Variants in APOL5 observed in about 807,000 individuals in gnomAD.
APOL5 encodes the protein apolipoprotein L, 5.
APOL5 carries 29 observed loss-of-function variants against 35.5 expected under a neutral mutation model. That is an observed-to-expected ratio of 0.82 (90% CI 0.61 to 1.11). The LOEUF is 1.11. APOL5 is among the 50% of genes most tolerant of loss of function. APOL5 has a pLI of 0.00. For synonymous variants in APOL5, 188 were observed against 200.2 expected, an observed-to-expected ratio of 0.94 and a Z score of 0.51; for missense variants, 514 against 530.4, an observed-to-expected ratio of 0.97 and a Z score of 0.30.
the APOL5 span, among the ~76,000 whole-genome samples, chr22:35,709,080 G>T: frequency 6.6e-6 from 1 of 152,192 alleles, no homozygotes; most frequent in Non-Finnish European, 1.5e-5. Context: ...TCAGTCAAAA[G>T]ATGAGTGTGG....
At chr22:35,720,013 G>A (rs919120397) in intron 1 of APOL5, among the ~76,000 whole-genome samples, 11 of 152,300 alleles carry the variant, frequency 7.2e-5, no homozygotes, top group East Asian at 5.8e-4. Context: ...TCATTCAGCC[G>A]TGGATGACCT....
At chr22:35,708,436 A>C in the APOL5 span, among the ~76,000 whole-genome samples, 1 of 152,084 alleles carries the variant, frequency 6.6e-6, no homozygotes, top group Non-Finnish European at 1.5e-5. Context: ...AGAAAAAAAA[A>C]AAAGAAAAAA....
intron 2 of APOL5, 62 bp downstream of exon 2, chr22:35,720,716 T>C: frequency 8.4e-7 from 1 of 1,193,194 alleles, no homozygotes; most frequent in African/African-American, 1.5e-5. Flanking sequence ...AAACAGTGTC[T>C]GTCACAGACC....
the APOL5 span, among the ~76,000 whole-genome samples, chr22:35,709,097 G>C: frequency 6.6e-6 from 1 of 152,148 alleles, no homozygotes. Flanking sequence ...GTGGATGGTG[G>C]TTACCATGGG....
intron 3 of APOL5, among the ~76,000 whole-genome samples, chr22:35,728,262 T>A (rs537198179): frequency 2.0e-5 from 3 of 152,220 alleles, no homozygotes; most frequent in East Asian, 1.9e-4. Context: ...CTCGCTCTGT[T>A]GCCCAGGCTG....
chr22:35,712,862 T>C, the APOL5 span, among the ~76,000 whole-genome samples: 1 of 152,222 alleles, frequency 6.6e-6, no homozygotes, highest in Non-Finnish European at 1.5e-5. Flanking sequence ...AGGTGGAGTC[T>C]TTTCCCCTCT....
chr22:35,728,281 T>C (rs922336838), intron 3 of APOL5, among the ~76,000 whole-genome samples: 2 of 152,210 alleles, frequency 1.3e-5, no homozygotes, highest in Admixed American at 1.3e-4. Flanking sequence ...TGGAGTGCAG[T>C]GGCGCCATCT....
At position 35,726,339 on chromosome 22, in the gene APOL5, C is replaced by T. The variant is rs1393551083; in HGVS notation, c.271C>T (p.Pro91Ser). The T allele has an allele frequency of 6.2e-7, 1 of 1,614,146 alleles. No individual in the cohort carries two copies. The highest frequency in any genetic ancestry group is 1.3e-5 in the African/African-American group (1 of 75,028). Residue 91 changes from proline to serine, a missense_variant, in exon 3 of 5, where the codon CCA becomes TCA. Transcript: ENST00000249044. ...ELMRCDKDSM[P>S]DGNLSEEEKL... is the part of the protein sequence containing the mutation. ...GATGCGATGTGACAAAGATTCCATG[C>T]CAGATGGAAATCTGTCAGAGGAGGA...
In APOL5 at chr22:35,717,919, G is replaced by A. The variant is rs371739052; in HGVS notation, c.48G>A (p.Val16=). 4 of 1,589,018 alleles carry A rather than the reference G, an allele frequency of 2.5e-6. No homozygotes were observed. The highest frequency in any genetic ancestry group is 2.4e-5 in the South Asian group (2 of 84,856). Residue 16 remains valine, a synonymous_variant, in exon 1 of 5, where the codon GTG becomes GTA. Coordinates refer to ENST00000249044, the MANE Select transcript of APOL5 (RefSeq NM_030642.1). ...QGNLQVPGSK[V]LPGLGEGCKE... ...ATTTGCAAGTTCCCGGTTCCAAGGT[G>A]TTACCTGGTAAGTTCTTTTAAGCTT...
chr22:35,726,809 G>A lies in APOL5; in HGVS notation c.741G>A (p.Gln247=). 1 of 1,614,218 alleles carries A rather than the reference G, an allele frequency of 6.2e-7. No homozygotes were observed. Among genetic ancestry groups the A allele is most frequent in the South Asian group, 1.1e-5 (1 of 91,082 alleles). The change falls in exon 3 of 5, where the codon CAG becomes CAA. Residue 247 remains glutamine, a synonymous_variant. Transcript: ENST00000249044. Reference sequence around the variant, plus strand: ...GCATCAAGGATCTTCATGCCTACCAGATGGCCAAATCCAACTCTGGCTTCA... The same window carrying A: ...GCATCAAGGATCTTCATGCCTACCAAATGGCCAAATCCAACTCTGGCTTCA... ...IQGIKDLHAY[Q]MAKSNSGFMA...
At position 35,720,627 on chromosome 22, in the gene APOL5, TG is replaced by T. The variant is rs1304692198; in HGVS notation, c.120del (p.Lys41SerfsTer11). On this transcript the variant is annotated frameshift_variant, in exon 2 of 5. Coordinates refer to ENST00000249044, the MANE Select transcript of APOL5 (RefSeq NM_030642.1). LOFTEE classifies it high-confidence loss of function. ...LRKVIYGGEV[W>X]GKSPEPEFPS... is the part of the protein sequence containing the mutation. ...AAAGGTAATCTACGGAGGTGAGGTCTGGGGGAAGTCCCCAGAACCTGAGTTC... is the reference window on the plus strand; with the variant it reads ...AAAGGTAATCTACGGAGGTGAGGTCTGGGGAAGTCCCCAGAACCTGAGTTC... The T allele has an allele frequency of 1.4e-5, 23 of 1,614,046 alleles. No homozygotes were observed. The highest frequency in any genetic ancestry group is 1.9e-5 in the Non-Finnish European group (22 of 1,179,968).
intron 1 of APOL5, 24 bp downstream of exon 1, chr22:35,717,950 A>C: frequency 6.5e-7 from 1 of 1,538,734 alleles, no homozygotes; most frequent in Non-Finnish European, 8.7e-7. Flanking sequence ...AGCTTTCAGA[A>C]AACAAGCAAT....
chr22:35,724,731 C>T (rs1444221445), intron 2 of APOL5, among the ~76,000 whole-genome samples: 2 of 152,036 alleles, frequency 1.3e-5, no homozygotes, highest in African/African-American at 4.8e-5. Context: ...CTGCCTCAGC[C>T]TCCTGAGTAG....
At chr22:35,716,265 TA>T (rs1358592238), upstream of APOL5, among the ~76,000 whole-genome samples, 1 of 152,248 alleles carries the variant, frequency 6.6e-6, no homozygotes. Flanking sequence ...AAAATCTTTT[TA>T]TTCTATTGGC....
intron 3 of APOL5, among the ~76,000 whole-genome samples, chr22:35,728,131 C>CA (rs1346612506): frequency 1.3e-5 from 2 of 152,170 alleles, no homozygotes; most frequent in African/African-American, 2.4e-5. Context: ...CTGGAAACTG[C>CA]AAAAAATACT....
upstream of APOL5, among the ~76,000 whole-genome samples, chr22:35,716,951 A>G (rs528247957): frequency 6.6e-6 from 1 of 150,634 alleles, no homozygotes; most frequent in South Asian, 2.1e-4. Flanking sequence ...CCATTTCTTT[A>G]TACAACTTCA....
chr22:35,717,235 A>ATAT (rs1555930035), upstream of APOL5, among the ~76,000 whole-genome samples: 2,071 of 57,608 alleles, frequency 0.036, 74 homozygotes, highest in Non-Finnish European at 0.048. Flanking sequence ...AAAAAAAAAA[A>ATAT]ATATATATAT....
At chr22:35,710,384 C>A in the APOL5 span, among the ~76,000 whole-genome samples, 1 of 151,122 alleles carries the variant, frequency 6.6e-6, no homozygotes, top group Non-Finnish European at 1.5e-5. Flanking sequence ...TCAAGTGATC[C>A]TCCCGCCTTG....
intron 2 of APOL5, among the ~76,000 whole-genome samples, chr22:35,723,854 G>C (rs1313232771): frequency 6.6e-6 from 1 of 152,206 alleles, no homozygotes; most frequent in Non-Finnish European, 1.5e-5. Context: ...CTACTCGGGA[G>C]GCTGAGGCAG....
Sources: gnomAD v4.1 joint callset for allele counts (sites outside exome capture counted in the v4.1 genomes callset) on GRCh38, gnomAD v4.1.1 for gene constraint, MANE v1.5 for transcripts, NCBI Gene and HGNC (gene_info 2026-07-23, HGNC 2026-07-21) for gene names.